The following SMPD3 variants were observed in gnomAD, a reference collection of about 807,000 sequenced individuals.
The protein encoded by SMPD3 is nSMase-2.
SMPD3 carries 21 observed loss-of-function variants against 55.7 expected under a neutral mutation model. That is an observed-to-expected ratio of 0.38 (90% CI 0.27 to 0.54). The LOEUF (loss-of-function observed/expected upper bound fraction) is 0.54. Ranked by LOEUF, SMPD3 falls within the 20% of genes least tolerant of loss-of-function variation. The probability of loss-of-function intolerance (pLI) is 0.80; values close to 1 mark genes in which losing one functional copy is unlikely to be tolerated. For missense variants in SMPD3, 842 were observed against 899.6 expected (o/e 0.94, Z 0.82); for synonymous variants, 457 against 404.3 (o/e 1.13, Z -1.56).
chr16:68,434,268 A>G (rs2090503031), intron 1 of SMPD3, among the ~76,000 whole-genome samples: 1 of 152,216 alleles, frequency 6.6e-6, no homozygotes, highest in Non-Finnish European at 1.5e-5. Flanking sequence ...TTATGCCCAC[A>G]ACTGTCATTT....
Position 68,445,229 on chromosome 16 carries a change from A to T in SMPD3, c.-269+3124T>A, listed in dbSNP as rs554971704. ...TTGAAAAATGTTATTGACTAATTTAATAATGACAGAAAGAAGAGGATAAAT... is the reference window on the plus strand; with the variant it reads ...TTGAAAAATGTTATTGACTAATTTATTAATGACAGAAAGAAGAGGATAAAT... On this transcript the variant is annotated intron_variant, in intron 1 of 8. Transcript: ENST00000219334. Among the ~76,000 whole-genome samples the T allele has an allele frequency of 7.2e-5, 11 of 152,368 alleles. No individual in the cohort carries two copies. The South Asian group carries it at 2.3e-3, about 32-fold the overall frequency.
chr16:68,366,516 G>A (rs1016615670), intron 3 of SMPD3, among the ~76,000 whole-genome samples: 6 of 152,216 alleles, frequency 3.9e-5, no homozygotes, highest in Admixed American at 2.0e-4. Context: ...GTGAGATCAC[G>A]CAGCATTGAT....
chr16:68,368,904 G>A (rs2089569816), intron 3 of SMPD3: 1 of 152,220 alleles, frequency 6.6e-6, no homozygotes, highest in Non-Finnish European at 1.5e-5. Context: ...CGGGTTTTCT[G>A]TGAAATATCT....
chr16:68,367,321 T>G (rs1757547863), intron 3 of SMPD3: 1 of 152,424 alleles, frequency 6.6e-6, no homozygotes, highest in African/African-American at 2.4e-5. Context: ...CTCAGGCACA[T>G]GATAAAGTGA....
chr16:68,376,295 G>C (rs1016161649), intron 2 of SMPD3, among the ~76,000 whole-genome samples: 21 of 152,360 alleles, frequency 1.4e-4, no homozygotes, highest in African/African-American at 4.8e-4. Flanking sequence ...AGCCGCACTG[G>C]TGCCTGTCCC....
intron 7 of SMPD3, 137 bp downstream of exon 7, chr16:68,363,359 G>A (rs1354521305): frequency 1.1e-6 from 1 of 941,104 alleles, no homozygotes; most frequent in African/African-American, 1.6e-5. Flanking sequence ...TCTCAAAGGT[G>A]AGATGAGGGA....
chr16:68,366,027 G>A (rs1047121927), intron 3 of SMPD3, among the ~76,000 whole-genome samples: 4 of 152,104 alleles, frequency 2.6e-5, no homozygotes, highest in Admixed American at 1.3e-4. Flanking sequence ...CTTCCCTCCT[G>A]TGCCTCTGTA....
At chr16:68,432,410 C>A (rs1395911140) in intron 1 of SMPD3, among the ~76,000 whole-genome samples, 1 of 151,992 alleles carries the variant, frequency 6.6e-6, no homozygotes, top group Non-Finnish European at 1.5e-5. Flanking sequence ...ATTTACTTTC[C>A]AATGAAAGTA....
At chr16:68,407,247 G>A (rs575068700) in intron 1 of SMPD3, among the ~76,000 whole-genome samples, 5 of 152,148 alleles carry the variant, frequency 3.3e-5, no homozygotes, top group Non-Finnish European at 7.4e-5. Context: ...CGTAGGCGAG[G>A]AGAACTGTCT....
intron 7 of SMPD3, 83 bp from the exon 8 acceptor site, chr16:68,361,842 C>A: frequency 6.7e-7 from 1 of 1,491,104 alleles, no homozygotes; most frequent in Non-Finnish European, 9.0e-7. Flanking sequence ...GCCATGGTCT[C>A]CTCCCAGTGT....
intron 1 of SMPD3, among the ~76,000 whole-genome samples, chr16:68,419,982 CTTT>C (rs34861442): frequency 0.019 from 2,661 of 140,342 alleles, 47 homozygotes; most frequent in African/African-American, 0.049. Context: ...ATAGCTATTG[CTTT>C]TTTTTTTTTT....
chr16:68,434,009 T>C (rs777199792), intron 1 of SMPD3, among the ~76,000 whole-genome samples: 29 of 152,210 alleles, frequency 1.9e-4, no homozygotes, highest in South Asian at 6.2e-4. Context: ...TCTATTTTCT[T>C]TCAGTGGCTT....
Position 68,360,606 on chromosome 16 carries a change from G to A in SMPD3, c.*600C>T, listed in dbSNP as rs2089200111. ...ATTGCCCTTGAATGCGAGACCCTGGGAAGAGCCCTGGGCTGGCTGGTAGAG... is the reference window on the plus strand; with the variant it reads ...ATTGCCCTTGAATGCGAGACCCTGGAAAGAGCCCTGGGCTGGCTGGTAGAG... On this transcript the variant is annotated 3_prime_UTR_variant, in exon 9 of 9. Transcript: ENST00000219334. 6.5e-6 allele frequency: 1 copy of A among 153,230 alleles called. No individual in the cohort carries two copies. The highest frequency in any genetic ancestry group is 1.9e-4 in the East Asian group (1 of 5,320). The allele number at this position is 153,230 out of a possible 1,614,324, so 9.5% of individuals were successfully genotyped here.
At chr16:68,413,961 G>A (rs946496281) in intron 1 of SMPD3, among the ~76,000 whole-genome samples, 2 of 152,194 alleles carry the variant, frequency 1.3e-5, no homozygotes, top group African/African-American at 4.8e-5. Flanking sequence ...CATCCTAGCT[G>A]TGACTTTCCA....
chr16:68,366,608 G>A (rs540454788), intron 3 of SMPD3, among the ~76,000 whole-genome samples: 11 of 152,256 alleles, frequency 7.2e-5, no homozygotes, highest in Non-Finnish European at 1.3e-4. Flanking sequence ...GCTCACGCCT[G>A]TAATCCCAGT....
intron 4 of SMPD3, 32 bp downstream of exon 4, chr16:68,364,985 C>CT (rs1409721748): frequency 6.2e-7 from 1 of 1,613,848 alleles, no homozygotes; most frequent in Non-Finnish European, 8.5e-7. Context: ...GATCCCATGC[C>CT]TAGAAAAAAC....
At chr16:68,432,825 C>T (rs2090490773) in intron 1 of SMPD3, among the ~76,000 whole-genome samples, 1 of 152,040 alleles carries the variant, frequency 6.6e-6, no homozygotes, top group Admixed American at 6.6e-5. Flanking sequence ...TCTTTTTTCT[C>T]TTTTTCCGAG....
intron 1 of SMPD3, among the ~76,000 whole-genome samples, chr16:68,412,260 C>A (rs1345202701): frequency 6.6e-6 from 1 of 152,204 alleles, no homozygotes; most frequent in African/African-American, 2.4e-5. Flanking sequence ...CACAGCAGCC[C>A]AAGCCCTGTG....
intron 1 of SMPD3, among the ~76,000 whole-genome samples, chr16:68,414,363 T>C (rs1472500862): frequency 6.6e-6 from 1 of 152,264 alleles, no homozygotes; most frequent in African/African-American, 2.4e-5. Flanking sequence ...ATGTAAGAAA[T>C]GTCTGTGACC....
Sources: allele counts gnomAD v4.1 joint callset (sites outside exome capture counted in the v4.1 genomes callset), GRCh38; gene constraint gnomAD v4.1.1; transcripts MANE v1.5; gene names NCBI Gene and HGNC (gene_info 2026-07-23, HGNC 2026-07-21).